The following ZNF646 variants were observed in gnomAD, a reference collection of about 807,000 sequenced individuals.
ZNF646 encodes zinc finger protein 646.
In ZNF646, 49 loss-of-function variants were observed where a neutral mutation model predicts 115.4. That is an observed-to-expected ratio of 0.42 (90% CI 0.34 to 0.54). The LOEUF is 0.54. Ranked by LOEUF, ZNF646 falls within the 20% of genes least tolerant of loss-of-function variation. The pLI is 0.04. For synonymous variants in ZNF646, 933 were observed against 939.0 expected (o/e 0.99, Z 0.12); for missense variants, 2,269 against 2,457.9 (o/e 0.92, Z 1.62).
At position 31,080,537 on chromosome 16, in the gene ZNF646, G is replaced by T; in HGVS notation, c.4213G>T (p.Ala1405Ser). ...NGQGGLDGTAASEANLTGSQG... is the reference protein window; with the variant it reads ...NGQGGLDGTASSEANLTGSQG... ...CCAGGGAGGCCTGGATGGCACAGCG[G>T]CCAGTGAGGCGAACCTGACTGGCAG... Residue 1405 changes from alanine (A) to serine (S), a missense_variant, in exon 2 of 3, where the codon GCC (alanine) becomes TCC (serine). By Grantham distance (99) the Ala-to-Ser change is moderately conservative. Transcript: ENST00000300850. 1 of 1,614,036 alleles carries T rather than the reference G, an allele frequency of 6.2e-7. No homozygotes were observed. Among genetic ancestry groups the T allele is most frequent in the East Asian group, 2.2e-5 (1 of 44,884 alleles).
Position 31,080,260 on chromosome 16 carries a change from C to T in ZNF646, c.3936C>T (p.Gly1312=). Residue 1312 remains glycine, a synonymous_variant, in exon 2 of 3, where the codon GGC becomes GGT. Coordinates refer to ENST00000300850, the MANE Select transcript of ZNF646 (RefSeq NM_014699.4). ...GQCGRTYRHA[G]SLLNHRRSHE... is the part of the protein sequence containing the mutation. Reference sequence around the variant, plus strand: ...GCGGGCGGACCTATCGCCACGCCGGCAGCCTCCTGAACCACCGGCGCAGCC... The same window carrying T: ...GCGGGCGGACCTATCGCCACGCCGGTAGCCTCCTGAACCACCGGCGCAGCC... 1.2e-6 allele frequency: 2 copies of T among 1,612,468 alleles called. No individual in the cohort carries two copies. Among genetic ancestry groups the T allele is most frequent in the South Asian group, 2.2e-5 (2 of 91,052 alleles).
Position 31,080,107 on chromosome 16 carries a change from C to T in ZNF646, c.3783C>T (p.Ser1261=), listed in dbSNP as rs760247501. Residue 1261 remains serine, a synonymous_variant, in exon 2 of 3, where the codon AGC becomes AGT. Transcript: ENST00000300850. ...CAGATCCCCGACGTTTCCGCTGCAGCGAGTGTGGGAAGGCCTTCCGCCTGC... is the reference window on the plus strand; with the variant it reads ...CAGATCCCCGACGTTTCCGCTGCAGTGAGTGTGGGAAGGCCTTCCGCCTGC... The part of the protein sequence containing the change: ...IHADPRRFRC[S]ECGKAFRLRK... The T allele has an allele frequency of 4.3e-6, 7 of 1,613,200 alleles. No homozygotes were observed. Among genetic ancestry groups the T allele is most frequent in the Middle Eastern group, 1.6e-4 (1 of 6,062 alleles).
In ZNF646 at chr16:31,079,064, G is replaced by C. The variant is rs2057119005; in HGVS notation, c.2740G>C (p.Glu914Gln). 1 of 1,577,254 alleles carries C rather than the reference G, an allele frequency of 6.3e-7. No homozygotes were observed. The highest frequency in any genetic ancestry group is 1.3e-5 in the African/African-American group (1 of 74,516). Residue 914 changes from glutamate (E) to glutamine (Q), a missense_variant, in exon 2 of 3, where the codon GAG (glutamate) becomes CAG (glutamine). Glu to Gln is a conservative substitution (Grantham distance 29). Around this residue, in one of 5 missense-constraint regions of ZNF646, gnomAD observed 852 missense variants for 900.2 expected, o/e 0.95. Coordinates refer to ENST00000300850, the MANE Select transcript of ZNF646 (RefSeq NM_014699.4). This position sits in a 1 kb window ranked among gnomAD's most constrained non-coding sequence, Gnocchi z 5.5. ...CTCCTCTGGCATGACTGAGGGCTCA[G>C]AGGAGGAGGGGGAAGAGGAAGGAGT... ...HSSSGMTEGS[E>Q]EEGEEEGVAE...
chr16:31,081,923 G>A (rs899781224), intron 2 of ZNF646: 13 of 705,792 alleles, frequency 1.8e-5, no homozygotes, highest in East Asian at 8.4e-5. Flanking sequence ...TGGGCAGCAC[G>A]TGGGGGCGTG....
chr16:31,077,399 A>C lies in ZNF646; in HGVS notation c.1075A>C (p.Thr359Pro), dbSNP rs773958263. Reference sequence around the variant, plus strand: ...GCTGAATGGCTCTGCGGAGCTCAGCACCTCTGGGGAGCTGGAGGACAGTGG... The same window carrying C: ...GCTGAATGGCTCTGCGGAGCTCAGCCCCTCTGGGGAGCTGGAGGACAGTGG... ...QMLNGSAELS[T>P]SGELEDSGLE... Residue 359 changes from threonine to proline, a missense_variant, in exon 2 of 3, where the codon ACC becomes CCC. Around this residue, in one of 5 missense-constraint regions of ZNF646, gnomAD observed 852 missense variants for 900.2 expected, o/e 0.95. Transcript: ENST00000300850. 6.2e-7 allele frequency: 1 copy of C among 1,612,802 alleles called. No homozygotes were observed. The highest frequency in any genetic ancestry group is 2.2e-5 in the East Asian group (1 of 44,854).
Position 31,079,034 on chromosome 16 carries a change from C to A in ZNF646, c.2710C>A (p.His904Asn). ...AGYRLHRRQA[H>N]SSSGMTEGSE... ...CTACAGGCTTCACCGGCGCCAGGCCCACAGCTCCTCTGGCATGACTGAGGG... is the reference window on the plus strand; with the variant it reads ...CTACAGGCTTCACCGGCGCCAGGCCAACAGCTCCTCTGGCATGACTGAGGG... The change falls in exon 2 of 3, where the codon CAC becomes AAC. Residue 904 changes from histidine to asparagine, a missense_variant. By Grantham distance (68) the His-to-Asn change is moderately conservative. Transcript: ENST00000300850. The surrounding 1 kb of genome is among the most constrained non-coding windows in gnomAD (Gnocchi z 5.5). 3 of 1,584,422 alleles carry A rather than the reference C, an allele frequency of 1.9e-6. No homozygotes were observed. The South Asian group carries it at 3.4e-5, about 18-fold the overall frequency.
In ZNF646 at chr16:31,077,373, T is replaced by A. The variant is rs1373192759; in HGVS notation, c.1049T>A (p.Met350Lys). The A allele has an allele frequency of 2.5e-6, 4 of 1,613,050 alleles. No individual in the cohort carries two copies. In the African/African-American group the frequency reaches 4.0e-5, roughly 16 times the overall value. ...SSQDQLPSAQ[M>K]LNGSAELSTS... is the part of the protein sequence containing the mutation. ...CAGGACCAGCTCCCCAGTGCACAGA[T>A]GCTGAATGGCTCTGCGGAGCTCAGC... Residue 350 changes from methionine (M) to lysine (K), a missense_variant, in exon 2 of 3, where the codon ATG (methionine) becomes AAG (lysine). Met to Lys is a moderately conservative substitution (Grantham distance 95). Transcript: ENST00000300850.
rs750416189 is a variant in ZNF646, at chr16:31,080,267, C to T, written c.3943C>T (p.Leu1315=). Residue 1315 remains leucine (L), a synonymous_variant, in exon 2 of 3, where the codon CTG becomes TTG. Coordinates refer to ENST00000300850, the MANE Select transcript of ZNF646 (RefSeq NM_014699.4). ...GRTYRHAGSL[L]NHRRSHETGQ... ...GACCTATCGCCACGCCGGCAGCCTC[C>T]TGAACCACCGGCGCAGCCACGAGAC... 3.1e-6 allele frequency: 5 copies of T among 1,612,496 alleles called. No homozygotes were observed. The highest frequency in any genetic ancestry group is 4.2e-6 in the Non-Finnish European group (5 of 1,179,730).
Position 31,076,783 on chromosome 16 carries a change from A to T in ZNF646, c.459A>T (p.Val153=), listed in dbSNP as rs746653282. Reference sequence around the variant, plus strand: ...AAGAGACACCTGACTGTGAATCTGTACCTGACCCCAGGGCAGCTTCGGGTA... The same window carrying T: ...AAGAGACACCTGACTGTGAATCTGTTCCTGACCCCAGGGCAGCTTCGGGTA... ...HTEETPDCES[V]PDPRAASGTW... The change falls in exon 2 of 3, where the codon GTA becomes GTT. Residue 153 remains valine, a synonymous_variant. Transcript: ENST00000300850. 4.3e-6 allele frequency: 7 copies of T among 1,613,826 alleles called. No individual in the cohort carries two copies. The highest frequency in any genetic ancestry group is 2.7e-5 in the African/African-American group (2 of 74,924).
In ZNF646 at chr16:31,083,877, T is replaced by TTCCTCGAAGGA; in HGVS notation, c.*786_*796dup. 1.0e-5 allele frequency: 13 copies of TTCCTCGAAGGA among 1,249,998 alleles called. No homozygotes were observed. The South Asian group carries it at 1.5e-4, about 14-fold the overall frequency. 77.4% of individuals were successfully genotyped at this position (1,249,998 alleles called of 1,614,324 possible). A position where few individuals can be genotyped will look rare whatever the true frequency, so the allele number is the denominator to read the frequency against. On this transcript the variant is annotated 3_prime_UTR_variant, in exon 3 of 3. Transcript: ENST00000300850. ...GCTTTGGTCCCTCCCTCCCTCCCCA[T>TTCCTCGAAGGA]TCCTCGAAGGAACAGGGTCTGTCTT...
In ZNF646 at chr16:31,083,912, G is replaced by T; in HGVS notation, c.*820G>T. On this transcript the variant is annotated 3_prime_UTR_variant, in exon 3 of 3. Transcript: ENST00000300850. ...GAACAGGGTCTGTCTTGGCCGCCAT[G>T]ACAGATGAGAATACTGAGGCTCAAA... The T allele has an allele frequency of 6.3e-7, 1 of 1,583,550 alleles. No homozygotes were observed. Among genetic ancestry groups the T allele is most frequent in the South Asian group, 1.2e-5 (1 of 86,674 alleles).
At position 31,081,038 on chromosome 16, in the gene ZNF646, A is replaced by C. The variant is rs759760929; in HGVS notation, c.4714A>C (p.Thr1572Pro). ...CAAGGAGTTCTTAAATCCTGTGGCC[A>C]CAAAGAGCCACAGCCACAACCACAT... The part of the protein sequence containing the change: ...CSKEFLNPVA[T>P]KSHSHNHIDA... Residue 1572 changes from threonine (T) to proline (P), a missense_variant, in exon 2 of 3, where the codon ACA becomes CCA. Physicochemically the swap from Thr to Pro is conservative, Grantham distance 38 (BLOSUM62 -1). Coordinates refer to ENST00000300850, the MANE Select transcript of ZNF646 (RefSeq NM_014699.4). The C allele has an allele frequency of 6.8e-6, 11 of 1,613,806 alleles. No homozygotes were observed. The highest frequency in any genetic ancestry group is 9.3e-6 in the Non-Finnish European group (11 of 1,180,030).
upstream of ZNF646, chr16:31,073,840 G>A (rs2057039860): frequency 6.6e-6 from 1 of 152,230 alleles, no homozygotes; most frequent in Non-Finnish European, 1.5e-5. Flanking sequence ...AGTTCCCGGG[G>A]AACCTCCAGC....
chr16:31,077,158 C>T lies in ZNF646; in HGVS notation c.834C>T (p.Leu278=), dbSNP rs775416643. Residue 278 remains leucine, a synonymous_variant, in exon 2 of 3, where the codon CTC becomes CTT. Coordinates refer to ENST00000300850, the MANE Select transcript of ZNF646 (RefSeq NM_014699.4). ...TCTGTTTCAAGGAGTTCTCTAACCT[C>T]ATGGCTCTGAAGAACCACTCTCGAC... is the stretch of plus-strand genomic sequence containing the variant. ...CAICFKEFSN[L]MALKNHSRLH... is the part of the protein sequence containing the mutation. The T allele has an allele frequency of 6.8e-6, 11 of 1,614,228 alleles. No homozygotes were observed. Among genetic ancestry groups the T allele is most frequent in the Non-Finnish European group, 9.3e-6 (11 of 1,180,034 alleles).
At chr16:31,073,519 A>C (rs2057035607), upstream of ZNF646, 1 of 152,006 alleles carries the variant, frequency 6.6e-6, no homozygotes, top group Non-Finnish European at 1.5e-5. Flanking sequence ...GGGGCCGCTC[A>C]CAGCCCGCCC....
chr16:31,073,028 G>A (rs1382615319), upstream of ZNF646: 2 of 152,180 alleles, frequency 1.3e-5, no homozygotes, highest in East Asian at 3.9e-4. Context: ...AAGGGCGGTG[G>A]GGCCTACGAA....
intron 2 of ZNF646, 22 bp from the exon 3 acceptor site, chr16:31,082,949 C>T: frequency 6.4e-7 from 1 of 1,563,914 alleles, no homozygotes; most frequent in Non-Finnish European, 8.7e-7. Context: ...CAGTTGGTGA[C>T]CTCCTCTCTC....
At position 31,076,351 on chromosome 16, in the gene ZNF646, C is replaced by T. The variant is rs1279331608; in HGVS notation, c.27C>T (p.Ser9=). The change falls in exon 2 of 3, where the codon AGC becomes AGT. Residue 9 remains serine (S), a synonymous_variant. Coordinates refer to ENST00000300850, the MANE Select transcript of ZNF646 (RefSeq NM_014699.4). ...TGGAGGACACACCCCCCTCACTCAG[C>T]TGCTCCGACTGTCAGCGCCACTTTC... MEDTPPSL[S]CSDCQRHFPS... is the part of the protein sequence containing the mutation. 8 of 1,612,608 alleles carry T rather than the reference C, an allele frequency of 5.0e-6. No homozygotes were observed. Among genetic ancestry groups the T allele is most frequent in the Non-Finnish European group, 6.8e-6 (8 of 1,179,148 alleles).
Position 31,084,025 on chromosome 16 carries a change from AG to A in ZNF646, c.*935del. 2.0e-6 allele frequency: 3 copies of A among 1,503,916 alleles called. No homozygotes were observed. The highest frequency in any genetic ancestry group is 1.8e-6 in the Non-Finnish European group (2 of 1,122,248). 93.2% of individuals were successfully genotyped at this position (1,503,916 alleles called of 1,614,324 possible). A position where few individuals can be genotyped will look rare whatever the true frequency, so the allele number is the denominator to read the frequency against. ...TCTGCCTGTTGCTCCACCCTACCCA[AG>A]GCAGCTGGAGTGGGTTAGAACGGCA... On this transcript the variant is annotated 3_prime_UTR_variant, in exon 3 of 3. Coordinates refer to ENST00000300850, the MANE Select transcript of ZNF646 (RefSeq NM_014699.4).
Sources: gnomAD v4.1 joint callset for allele counts on GRCh38, gnomAD v4.1.1 for gene constraint, gnomAD v4.1.1 regional missense constraint, Gnocchi (gnomAD v3.1) non-coding constraint, MANE v1.5 for transcripts, NCBI Gene and HGNC (gene_info 2026-07-23, HGNC 2026-07-21) for gene names.